The following EMSY variants were observed in gnomAD, a reference collection of about 807,000 sequenced individuals.
The protein encoded by EMSY is BRCA2-interacting transcriptional repressor EMSY.
EMSY carries 26 observed loss-of-function variants against 134.6 expected under a neutral mutation model. The observed-to-expected ratio is 0.19, with a 90% CI of 0.14 to 0.27. The LOEUF (loss-of-function observed/expected upper bound fraction) is 0.27. EMSY is among the 10% of genes least tolerant of loss of function. The probability of loss-of-function intolerance (pLI) is 1.00; values close to 1 mark genes in which losing one functional copy is unlikely to be tolerated. For missense variants in EMSY, 1,305 were observed against 1,611.4 expected (o/e 0.81, Z 3.26); for synonymous variants, 579 against 577.8 (o/e 1.00, Z -0.03).
chr11:76,544,689 T>C, exon 19 of EMSY: 1 of 1,614,128 alleles, frequency 6.2e-7, no homozygotes, highest in Non-Finnish European at 8.5e-7. Context: ...GTACAGGTGC[T>C]TGCAGTGAAA....
At chr11:76,540,079 G>A (rs1010560823) in intron 17 of EMSY, among the ~76,000 whole-genome samples, 2 of 152,248 alleles carry the variant, frequency 1.3e-5, no homozygotes, top group African/African-American at 4.8e-5. Context: ...GAATTACCGT[G>A]AAGTAATTAT....
At chr11:76,450,655 C>A (rs761216211) in intron 2 of EMSY, among the ~76,000 whole-genome samples, 3 of 151,892 alleles carry the variant, frequency 2.0e-5, no homozygotes, top group Non-Finnish European at 2.9e-5. Context: ...CCACCCCCAG[C>A]TGATTTTTAA....
At chr11:76,497,485 G>A (rs750761175) in intron 9 of EMSY, among the ~76,000 whole-genome samples, 16 of 152,114 alleles carry the variant, frequency 1.1e-4, no homozygotes, top group Admixed American at 3.9e-4. Flanking sequence ...GGCCCGGAGA[G>A]TTCTGTTTTT....
At chr11:76,518,731 G>T (rs1238486317) in intron 11 of EMSY, among the ~76,000 whole-genome samples, 2 of 125,876 alleles carry the variant, frequency 1.6e-5, no homozygotes, top group African/African-American at 5.8e-5. Context: ...ATCTAATATA[G>T]TCAGATTTTA....
At chr11:76,530,402 C>A (rs1262306797) in intron 14 of EMSY, among the ~76,000 whole-genome samples, 1 of 152,112 alleles carries the variant, frequency 6.6e-6, no homozygotes, top group Non-Finnish European at 1.5e-5. Flanking sequence ...TTCAAGTAAT[C>A]CACCCGCCTC....
intron 9 of EMSY, among the ~76,000 whole-genome samples, chr11:76,510,657 A>G (rs1417170183): frequency 6.6e-6 from 1 of 152,222 alleles, no homozygotes; most frequent in Non-Finnish European, 1.5e-5. Context: ...AGCTTTGTCC[A>G]CAAACTGGGG....
At chr11:76,544,696 G>A in exon 19 of EMSY, 1 of 1,614,086 alleles carries the variant, frequency 6.2e-7, no homozygotes, top group South Asian at 1.1e-5. Context: ...TGCTTGCAGT[G>A]AAAACCACGC....
chr11:76,494,715 CTTCCTTCCTTCCTTCCTTCCT>C (rs1363885948), intron 8 of EMSY, among the ~76,000 whole-genome samples: 35 of 91,730 alleles, frequency 3.8e-4, no homozygotes, highest in African/African-American at 1.4e-3. Flanking sequence ...TCCTTCCTTC[CTTCCTTCCTTCCTTCCTTCCT>C]TTCCTTCCTT....
At chr11:76,510,691 C>G (rs957381374) in intron 9 of EMSY, among the ~76,000 whole-genome samples, 3 of 152,222 alleles carry the variant, frequency 2.0e-5, no homozygotes, top group African/African-American at 7.2e-5. Context: ...AGAGAGCTCT[C>G]ACATCCATAC....
At chr11:76,536,171 C>T in intron 15 of EMSY, 112 bp downstream of exon 16, 12 of 734,634 alleles carry the variant, frequency 1.6e-5, no homozygotes, top group Non-Finnish European at 2.2e-5. Context: ...ATTATTATTG[C>T]TATTATTTGA....
chr11:76,500,429 C>T (rs946360769), intron 9 of EMSY, among the ~76,000 whole-genome samples: 2 of 152,064 alleles, frequency 1.3e-5, no homozygotes, highest in Admixed American at 6.6e-5. Flanking sequence ...TGAAAGGCAA[C>T]CAGAAGGAGA....
At chr11:76,508,356 T>TA (rs397809548) in intron 9 of EMSY, among the ~76,000 whole-genome samples, 1 of 151,876 alleles carries the variant, frequency 6.6e-6, no homozygotes, top group Non-Finnish European at 1.5e-5. Flanking sequence ...TTTTTTTTTT[T>TA]ATGAGCAGTA....
chr11:76,549,991 A>G (rs1565373630), exon 21 of EMSY: 1 of 1,613,372 alleles, frequency 6.2e-7, no homozygotes, highest in Non-Finnish European at 8.5e-7. Context: ...CTCCAGCTCC[A>G]ATGTGGTGGT....
chr11:76,472,189 C>T (rs933311129), intron 7 of EMSY, among the ~76,000 whole-genome samples: 4 of 152,158 alleles, frequency 2.6e-5, no homozygotes, highest in African/African-American at 4.8e-5. Context: ...TATTCTCCAG[C>T]GTCTAGAACC....
chr11:76,533,693 A>T (rs778068149), intron 14 of EMSY, among the ~76,000 whole-genome samples: 81 of 152,188 alleles, frequency 5.3e-4, no homozygotes, highest in Non-Finnish European at 1.1e-3. Context: ...GTTAAAGTGT[A>T]TATCTCTAGT....
intron 8 of EMSY, among the ~76,000 whole-genome samples, chr11:76,482,595 G>T (rs1008845870): frequency 6.6e-6 from 1 of 152,192 alleles, no homozygotes; most frequent in Non-Finnish European, 1.5e-5. Flanking sequence ...CAAGAACTTT[G>T]TGAAGCATAC....
chr11:76,529,177 A>C (rs1348834754), intron 14 of EMSY, among the ~76,000 whole-genome samples: 1 of 152,106 alleles, frequency 6.6e-6, no homozygotes, highest in East Asian at 1.9e-4. Context: ...CATGTCTCTC[A>C]GTTATCTTAA....
intron 10 of EMSY, among the ~76,000 whole-genome samples, chr11:76,514,645 C>T (rs978768100): frequency 7.2e-5 from 11 of 152,058 alleles, no homozygotes; most frequent in Non-Finnish European, 1.0e-4. Flanking sequence ...GTTCATTGGC[C>T]TTAAGTACAT....
At chr11:76,518,186 T>A (rs1950514726) in intron 11 of EMSY, among the ~76,000 whole-genome samples, 2 of 150,152 alleles carry the variant, frequency 1.3e-5, no homozygotes, top group African/African-American at 4.9e-5. Flanking sequence ...TTTTTTTTTT[T>A]TAAGACAGAG....
Sources: allele counts gnomAD v4.1 joint callset (sites outside exome capture counted in the v4.1 genomes callset), GRCh38; gene constraint gnomAD v4.1.1; transcripts MANE v1.5; gene names NCBI Gene and HGNC (gene_info 2026-07-23, HGNC 2026-07-21).